COL25A1: variants seen among roughly 807,000 people sequenced by gnomAD.
COL25A1 encodes the protein collagen alpha-1(XXV) chain.
A neutral mutation model predicts 128.4 loss-of-function variants in COL25A1; 103 were observed. The observed-to-expected ratio is 0.80, with a 90% confidence interval of 0.68 to 0.94. COL25A1 has a LOEUF of 0.94. Among genes scored for constraint, COL25A1 ranks in the 40% least tolerant of loss-of-function variants. The probability of loss-of-function intolerance (pLI) is 0.00; values close to 1 mark genes in which losing one functional copy is unlikely to be tolerated. For missense variants in COL25A1, 745 were observed against 840.0 expected (o/e 0.89, Z 1.40); for synonymous variants, 279 against 277.2 (o/e 1.01, Z -0.06).
chr4:109,023,164 C>A (rs1255131043), intron 5 of COL25A1, among the ~76,000 whole-genome samples: 1 of 152,168 alleles, frequency 6.6e-6, no homozygotes, highest in East Asian at 1.9e-4. Context: ...CAGTGACATG[C>A]ATCTTGATGT....
chr4:109,151,642 T>C (rs1405320130), intron 3 of COL25A1, among the ~76,000 whole-genome samples: 1 of 152,124 alleles, frequency 6.6e-6, no homozygotes, highest in Non-Finnish European at 1.5e-5. Flanking sequence ...ATCCTAGAAA[T>C]ATTGAAAGTA....
chr4:109,061,294 T>A (rs538419994), intron 3 of COL25A1, among the ~76,000 whole-genome samples: 8 of 152,314 alleles, frequency 5.3e-5, no homozygotes, highest in African/African-American at 1.7e-4. Context: ...TACCCATGAA[T>A]TGATTCTTGT....
intron 3 of COL25A1, among the ~76,000 whole-genome samples, chr4:109,226,739 AT>A (rs1400246234): frequency 1.3e-5 from 2 of 152,194 alleles, no homozygotes; most frequent in Non-Finnish European, 2.9e-5. Flanking sequence ...ATTTATTTAC[AT>A]TTTTAAGGGG....
intron 5 of COL25A1, among the ~76,000 whole-genome samples, chr4:109,022,738 T>A (rs1757888460): frequency 6.6e-6 from 1 of 152,122 alleles, no homozygotes; most frequent in Admixed American, 6.5e-5. Flanking sequence ...AGCACAAATA[T>A]TTAAAGTCAA....
At chr4:109,091,940 C>A (rs1764948365) in intron 3 of COL25A1, among the ~76,000 whole-genome samples, 1 of 152,138 alleles carries the variant, frequency 6.6e-6, no homozygotes, top group Non-Finnish European at 1.5e-5. Flanking sequence ...GCAGCAAGAC[C>A]AAAGCCGAGA....
intron 3 of COL25A1, among the ~76,000 whole-genome samples, chr4:109,278,309 T>C (rs1448153419): frequency 6.6e-6 from 1 of 152,226 alleles, no homozygotes; most frequent in Non-Finnish European, 1.5e-5. Flanking sequence ...TCAGTGATTA[T>C]ATCCTTTGTC....
chr4:109,205,050 A>C (rs1052569173), intron 3 of COL25A1, among the ~76,000 whole-genome samples: 3 of 152,168 alleles, frequency 2.0e-5, no homozygotes, highest in African/African-American at 4.8e-5. Flanking sequence ...AAAAGTGTTG[A>C]ACTTATCTTT....
intron 3 of COL25A1, among the ~76,000 whole-genome samples, chr4:109,205,865 T>C (rs1321847414): frequency 6.6e-6 from 1 of 152,132 alleles, no homozygotes; most frequent in Non-Finnish European, 1.5e-5. Context: ...ACAGTGTCTC[T>C]GATGTAATTT....
chr4:109,043,620 A>T (rs1417053183), intron 5 of COL25A1, among the ~76,000 whole-genome samples: 2 of 152,114 alleles, frequency 1.3e-5, no homozygotes, highest in African/African-American at 4.8e-5. Context: ...TTCTGGCTAT[A>T]GTTACAGGAC....
intron 3 of COL25A1, among the ~76,000 whole-genome samples, chr4:109,182,540 T>C (rs536929262): frequency 7.9e-5 from 12 of 152,108 alleles, no homozygotes; most frequent in Admixed American, 5.2e-4. Context: ...TTAGTAAACA[T>C]GGTAAAGGTT....
At position 108,827,189 on chromosome 4, in the gene COL25A1, C is replaced by G. The variant is rs1443492082; in HGVS notation, c.1711-1G>C. 2.5e-6 allele frequency: 4 copies of G among 1,613,644 alleles called. No individual in the cohort carries two copies. The highest frequency in any genetic ancestry group is 3.4e-6 in the Non-Finnish European group (4 of 1,179,806). On this transcript the variant is annotated splice_acceptor_variant, in intron 32 of 37. Coordinates refer to ENST00000399132, the MANE Select transcript of COL25A1 (RefSeq NM_198721.4). LOFTEE classifies it high-confidence loss of function. ...GCTCTCCCATAGCTCCTTTTTCACC[C>G]TAAAATGAAAAGTAGAAAGTTCAAA...
chr4:108,979,595 A>G (rs1334248436), intron 6 of COL25A1, among the ~76,000 whole-genome samples: 1 of 152,208 alleles, frequency 6.6e-6, no homozygotes, highest in African/African-American at 2.4e-5. Context: ...AATGCTGGGA[A>G]TTCTTGGCAG....
At chr4:108,875,977 C>T (rs891832282) in intron 19 of COL25A1, among the ~76,000 whole-genome samples, 1 of 152,100 alleles carries the variant, frequency 6.6e-6, no homozygotes, top group Non-Finnish European at 1.5e-5. Flanking sequence ...AAACCAAACA[C>T]CGCACATTCT....
At chr4:109,096,793 T>A (rs1423974584) in intron 3 of COL25A1, among the ~76,000 whole-genome samples, 4 of 152,162 alleles carry the variant, frequency 2.6e-5, no homozygotes, top group Non-Finnish European at 5.9e-5. Flanking sequence ...TCAGCTGCAG[T>A]TCCTGACAAA....
chr4:109,194,945 T>C (rs1468329756), intron 3 of COL25A1, among the ~76,000 whole-genome samples: 1 of 152,164 alleles, frequency 6.6e-6, no homozygotes, highest in Non-Finnish European at 1.5e-5. Context: ...TAATAACAAC[T>C]GTACATTTTA....
chr4:109,223,978 T>C (rs1209602070), intron 3 of COL25A1, among the ~76,000 whole-genome samples: 1 of 152,202 alleles, frequency 6.6e-6, no homozygotes, highest in Non-Finnish European at 1.5e-5. Flanking sequence ...ATTTATGTCA[T>C]CTTCTTCCAA....
At chr4:109,196,613 G>T (rs1323506809) in intron 3 of COL25A1, among the ~76,000 whole-genome samples, 2 of 152,030 alleles carry the variant, frequency 1.3e-5, no homozygotes, top group Non-Finnish European at 2.9e-5. Flanking sequence ...TTTTTCATTT[G>T]TCCAGCTAAA....
chr4:108,956,129 T>C (rs1750044891), intron 8 of COL25A1, among the ~76,000 whole-genome samples: 1 of 152,202 alleles, frequency 6.6e-6, no homozygotes. Context: ...GAATATATTA[T>C]TAAAAGGATT....
intron 20 of COL25A1, among the ~76,000 whole-genome samples, chr4:108,863,847 T>C (rs937151787): frequency 6.6e-6 from 1 of 152,222 alleles, no homozygotes; most frequent in Non-Finnish European, 1.5e-5. Context: ...CTTTGGATTT[T>C]GGGACTTGTA....
Sources: gnomAD v4.1 joint callset for allele counts (sites outside exome capture counted in the v4.1 genomes callset) on GRCh38, gnomAD v4.1.1 for gene constraint, MANE v1.5 for transcripts, NCBI Gene and HGNC (gene_info 2026-07-23, HGNC 2026-07-21) for gene names.